The following MAGI2 variants were observed in gnomAD, a reference collection of about 807,000 sequenced individuals.
MAGI2 encodes membrane associated guanylate kinase, WW and PDZ domain containing 2.
MAGI2 carries 35 observed loss-of-function variants against 133.3 expected under a neutral mutation model. That is an observed-to-expected ratio of 0.26 (90% CI 0.20 to 0.35). The LOEUF (loss-of-function observed/expected upper bound fraction) is 0.35, where lower values mean the gene tolerates loss of function less well. Ranked by LOEUF, MAGI2 falls within the 10% of genes least tolerant of loss-of-function variation. MAGI2 has a pLI of 1.00. For missense variants in MAGI2, 1,636 were observed against 1,863.4 expected, an observed-to-expected ratio of 0.88 and a Z score of 2.25; for synonymous variants, 729 against 710.6, an observed-to-expected ratio of 1.03 and a Z score of -0.41.
intron 2 of MAGI2, among the ~76,000 whole-genome samples, chr7:78,785,236 G>A (rs997734392): frequency 1.3e-5 from 2 of 152,016 alleles, no homozygotes; most frequent in African/African-American, 4.8e-5. Context: ...TACATCCAAG[G>A]AATGCTTTTA....
intron 1 of MAGI2, chr7:79,012,229 C>T (rs1808234244): frequency 6.6e-6 from 1 of 152,106 alleles, no homozygotes. Flanking sequence ...GCCAGCTTCT[C>T]CAACTTTCCC....
At chr7:78,601,012 T>G (rs1473943694) in intron 3 of MAGI2, among the ~76,000 whole-genome samples, 1 of 152,186 alleles carries the variant, frequency 6.6e-6, no homozygotes, top group Non-Finnish European at 1.5e-5. Flanking sequence ...AATATGTTAT[T>G]TTGTCAACAT....
chr7:79,173,027 T>C (rs1333420754), intron 1 of MAGI2: 1 of 152,072 alleles, frequency 6.6e-6, no homozygotes, highest in East Asian at 1.9e-4. Context: ...TTACTATTAT[T>C]TGTAGATATA....
chr7:78,664,885 C>T (rs1234441952), intron 2 of MAGI2, among the ~76,000 whole-genome samples: 4 of 151,896 alleles, frequency 2.6e-5, no homozygotes, highest in South Asian at 2.1e-4. Flanking sequence ...GTAAAAAATA[C>T]TAAAAAACAA....
intron 1 of MAGI2, among the ~76,000 whole-genome samples, chr7:79,116,854 C>G (rs1261247645): frequency 6.6e-6 from 1 of 152,142 alleles, no homozygotes. Flanking sequence ...TCAGCCTCCA[C>G]CATGATTGTA....
chr7:79,325,925 C>T (rs956539144), intron 1 of MAGI2, among the ~76,000 whole-genome samples: 2 of 152,050 alleles, frequency 1.3e-5, no homozygotes, highest in Non-Finnish European at 2.9e-5. Flanking sequence ...GATAATTAAC[C>T]ACATTGAGTG....
chr7:78,042,347 C>T (rs1810943560), intron 21 of MAGI2, among the ~76,000 whole-genome samples: 1 of 152,158 alleles, frequency 6.6e-6, no homozygotes, highest in African/African-American at 2.4e-5. Context: ...TTCTGGCAAA[C>T]ATTATAGGTT....
At chr7:79,078,775 T>C (rs756714056) in intron 1 of MAGI2, among the ~76,000 whole-genome samples, 50 of 152,152 alleles carry the variant, frequency 3.3e-4, no homozygotes, top group Non-Finnish European at 6.0e-4. Context: ...TAAAAACTTA[T>C]TGTATTTGTC....
intron 6 of MAGI2, among the ~76,000 whole-genome samples, chr7:78,457,720 A>G (rs969836087): frequency 1.3e-5 from 2 of 152,178 alleles, no homozygotes; most frequent in African/African-American, 4.8e-5. Flanking sequence ...TCCTCACAGT[A>G]ATGTAATAAT....
intron 2 of MAGI2, among the ~76,000 whole-genome samples, chr7:78,745,532 TAA>T (rs534131589): frequency 6.8e-6 from 1 of 146,512 alleles, no homozygotes; most frequent in Non-Finnish European, 1.5e-5. Context: ...GATCTTGATT[TAA>T]AAAAAAAAAC....
chr7:78,297,593 T>C (rs888909282), intron 9 of MAGI2, among the ~76,000 whole-genome samples: 4 of 150,444 alleles, frequency 2.7e-5, no homozygotes, highest in African/African-American at 9.8e-5. Flanking sequence ...TGTCCAACAA[T>C]GATAGACTGG....
intron 3 of MAGI2, among the ~76,000 whole-genome samples, chr7:78,533,925 AG>A (rs1200528328): frequency 2.6e-5 from 4 of 152,222 alleles, no homozygotes; most frequent in Non-Finnish European, 5.9e-5. Context: ...AAGAGTATCA[AG>A]AACCACGATT....
chr7:79,230,462 T>G (rs1002630502), intron 1 of MAGI2, among the ~76,000 whole-genome samples: 6 of 151,768 alleles, frequency 4.0e-5, no homozygotes, highest in Non-Finnish European at 7.4e-5. Context: ...TGTTGTTTCC[T>G]GACTTTTTAA....
chr7:79,299,088 A>C (rs2129559504), intron 1 of MAGI2, among the ~76,000 whole-genome samples: 1 of 152,200 alleles, frequency 6.6e-6, no homozygotes, highest in South Asian at 2.1e-4. Flanking sequence ...GAGAAAAGTA[A>C]TTTCTCTGCT....
At chr7:78,862,177 A>T (rs1170299923) in intron 2 of MAGI2, among the ~76,000 whole-genome samples, 1 of 152,160 alleles carries the variant, frequency 6.6e-6, no homozygotes, top group Non-Finnish European at 1.5e-5. Context: ...CTTGAGAGAA[A>T]GGTTTTCTTT....
intron 6 of MAGI2, among the ~76,000 whole-genome samples, chr7:78,458,297 A>AAAAAAG (rs1554421602): frequency 6.8e-6 from 1 of 147,316 alleles, no homozygotes; most frequent in Admixed American, 6.8e-5. Context: ...TCGGTCTCAA[A>AAAAAAG]AAAAAAAAAA....
intron 1 of MAGI2, among the ~76,000 whole-genome samples, chr7:79,367,755 G>C (rs563499205): frequency 1.7e-4 from 25 of 150,878 alleles, no homozygotes; most frequent in Middle Eastern, 6.9e-3. Context: ...TGATGAATAA[G>C]CATTTCAAAT....
At chr7:78,452,659 G>T (rs1166274219) in intron 6 of MAGI2, among the ~76,000 whole-genome samples, 1 of 151,406 alleles carries the variant, frequency 6.6e-6, no homozygotes, top group Non-Finnish European at 1.5e-5. Flanking sequence ...AATGTAAAAA[G>T]CAACCATCCC....
At chr7:79,452,462 C>G (rs984080206) in intron 1 of MAGI2, among the ~76,000 whole-genome samples, 1 of 152,086 alleles carries the variant, frequency 6.6e-6, no homozygotes, top group African/African-American at 2.4e-5. Flanking sequence ...AGCAATTTGT[C>G]CCTTCTTTTC....
Sources: allele counts gnomAD v4.1 joint callset (sites outside exome capture counted in the v4.1 genomes callset), GRCh38; gene constraint gnomAD v4.1.1; transcripts MANE v1.5; gene names NCBI Gene and HGNC (gene_info 2026-07-23, HGNC 2026-07-21).